The following NDUFAF6 variants were observed in gnomAD, a reference collection of about 807,000 sequenced individuals.
NDUFAF6 encodes the protein NADH dehydrogenase (ubiquinone) complex I, assembly factor 6.
NDUFAF6 carries 45 observed loss-of-function variants against 40.8 expected under a neutral mutation model. The observed-to-expected ratio is 1.10, with a 90% confidence interval of 0.87 to 1.42. The LOEUF is 1.42. Ranked by LOEUF, NDUFAF6 falls within the 40% of genes most tolerant of loss-of-function variation. The pLI, the probability that NDUFAF6 is intolerant of heterozygous loss-of-function variation, is 0.00. For missense variants in NDUFAF6, 435 were observed against 418.5 expected (o/e 1.04, Z -0.34); for synonymous variants, 185 against 155.9 (o/e 1.19, Z -1.39).
chr8:94,957,768 T>C (rs1156513203), upstream of NDUFAF6, among the ~76,000 whole-genome samples: 1 of 152,206 alleles, frequency 6.6e-6, no homozygotes, highest in Non-Finnish European at 1.5e-5. Context: ...GAAGGACATC[T>C]GAACCCCCGG....
chr8:95,115,473 G>A (rs901781025), intron 4 of NDUFAF6: 4 of 151,976 alleles, frequency 2.6e-5, no homozygotes, highest in Non-Finnish European at 4.4e-5. Context: ...ACAGGAGAAG[G>A]AAGAGTCTTG....
upstream of NDUFAF6, among the ~76,000 whole-genome samples, chr8:95,097,289 A>T (rs1482802848): frequency 6.6e-6 from 1 of 152,236 alleles, no homozygotes; most frequent in African/African-American, 2.4e-5. Context: ...ATAAACTAAG[A>T]CATCTCAATT....
chr8:95,000,458 C>A (rs1563780920), intron 2 of NDUFAF6, among the ~76,000 whole-genome samples: 1 of 152,066 alleles, frequency 6.6e-6, no homozygotes, highest in African/African-American at 2.4e-5. Flanking sequence ...TTGGCCTCTA[C>A]CCTCATAGAA....
At position 95,025,113 on chromosome 8, in the gene NDUFAF6, G is replaced by A. The variant is rs1179812620; in HGVS notation, c.105G>A (p.Arg35=). Residue 35 remains arginine, a synonymous_variant, in exon 1 of 9, where the codon CGG becomes CGA. Coordinates refer to ENST00000396124, the MANE Select transcript of NDUFAF6 (RefSeq NM_152416.4). The stretch of plus-strand genomic sequence containing the variant: ...TGGGTCTGTACGCGCGCATGCGGCG[G>A]CTGCCCGGGCCGGAGGTGTCTGGGC... The part of the protein sequence containing the change: ...PPLGLYARMR[R]LPGPEVSGRS... 1 of 1,479,364 alleles carries A rather than the reference G, an allele frequency of 6.8e-7. No individual in the cohort carries two copies. The highest frequency in any genetic ancestry group is 1.3e-5 in the South Asian group (1 of 77,302). The allele number at this position is 1,479,364 out of a possible 1,614,324, so 91.6% of individuals were successfully genotyped here.
Position 94,958,522 on chromosome 8 carries a change from C to CTTTTTT in NDUFAF6, c.-199+368_-199+373dup, listed in dbSNP as rs55703438. Among the ~76,000 whole-genome samples, 201 of 71,276 alleles carry CTTTTTT rather than the reference C, an allele frequency of 2.8e-3. 27 individuals are homozygous for CTTTTTT. Among genetic ancestry groups the CTTTTTT allele is most frequent in the African/African-American group, 5.5e-3 (94 of 16,946 alleles). The allele number at this position is 71,276 out of a possible 152,430, so 46.8% of individuals were successfully genotyped here. The stretch of plus-strand genomic sequence containing the variant: ...CCCTATCTCCACACATAGTCACATT[C>CTTTTTT]TTTTTTTTTTTTTTTTTTTTTTTTT... On this transcript the variant is annotated intron_variant, in intron 1 of 9. Coordinates refer to the NDUFAF6 transcript ENST00000396111.
chr8:95,022,148 A>T (rs1827716276), upstream of NDUFAF6, among the ~76,000 whole-genome samples: 1 of 152,212 alleles, frequency 6.6e-6, no homozygotes, highest in Non-Finnish European at 1.5e-5. Flanking sequence ...TAATGCTGTA[A>T]TTAAAAATGT....
chr8:95,082,080 A>C (rs1246360617), intron 2 of NDUFAF6, among the ~76,000 whole-genome samples: 32 of 151,870 alleles, frequency 2.1e-4, no homozygotes, highest in Non-Finnish European at 3.1e-4. Context: ...AAACAACAAA[A>C]AAAAAAAAAC....
intron 2 of NDUFAF6, among the ~76,000 whole-genome samples, chr8:95,012,076 T>C (rs914034278): frequency 3.9e-5 from 6 of 152,158 alleles, no homozygotes; most frequent in African/African-American, 1.4e-4. Flanking sequence ...AAAGTATGAG[T>C]TTCTGATTAA....
chr8:95,049,638 C>A (rs1563832179), intron 7 of NDUFAF6, among the ~76,000 whole-genome samples: 3 of 152,248 alleles, frequency 2.0e-5, no homozygotes, highest in African/African-American at 4.8e-5. Flanking sequence ...AGGGCTTTTG[C>A]ACTTGCTGTT....
chr8:94,939,266 A>AGAGTT (rs1328440795), intron 1 of NDUFAF6, among the ~76,000 whole-genome samples: 1 of 152,242 alleles, frequency 6.6e-6, no homozygotes, highest in East Asian at 1.9e-4. Flanking sequence ...CTATAAAGTC[A>AGAGTT]GAGTTATGTT....
At chr8:95,107,499 G>GGGA (rs1446744567), downstream of NDUFAF6, among the ~76,000 whole-genome samples, 2 of 152,140 alleles carry the variant, frequency 1.3e-5, no homozygotes, top group African/African-American at 4.8e-5. Context: ...GGACAGGGAA[G>GGGA]GGATAGCTTT....
intron 2 of NDUFAF6, among the ~76,000 whole-genome samples, chr8:94,952,933 C>T (rs538766962): frequency 4.6e-5 from 7 of 152,198 alleles, no homozygotes; most frequent in South Asian, 2.1e-4. Context: ...GGATAGCCTG[C>T]GCTGGATTGT....
Position 95,058,101 on chromosome 8 carries a change from C to A in NDUFAF6, c.*164C>A. 1 of 1,452,596 alleles carries A rather than the reference C, an allele frequency of 6.9e-7. No homozygotes were observed. Among genetic ancestry groups the A allele is most frequent in the Non-Finnish European group, 9.0e-7 (1 of 1,112,912 alleles). The allele number at this position is 1,452,596 out of a possible 1,614,324, so 90.0% of individuals were successfully genotyped here. Reference sequence around the variant, plus strand: ...AGAAGTTGCCGTGGGACTAGGGTGCCAAGACTGCTGAGATTCTGGCAGAGG... The same window carrying A: ...AGAAGTTGCCGTGGGACTAGGGTGCAAAGACTGCTGAGATTCTGGCAGAGG... On this transcript the variant is annotated 3_prime_UTR_variant, in exon 9 of 9. Coordinates refer to ENST00000396124, the MANE Select transcript of NDUFAF6 (RefSeq NM_152416.4).
At chr8:94,980,617 T>G (rs1055275322) in intron 1 of NDUFAF6, among the ~76,000 whole-genome samples, 28 of 136,360 alleles carry the variant, frequency 2.1e-4, no homozygotes, top group Non-Finnish European at 3.5e-4. Flanking sequence ...CTAATTTTTG[T>G]TTTTTTTTAG....
At chr8:94,930,518 C>G in intron 1 of NDUFAF6, 1 of 1,614,198 alleles carries the variant, frequency 6.2e-7, no homozygotes, top group Non-Finnish European at 8.5e-7. Context: ...GATGAACAAC[C>G]CAGCCATTGT....
At chr8:95,017,968 A>G (rs1484616024) in intron 2 of NDUFAF6, among the ~76,000 whole-genome samples, 1 of 152,274 alleles carries the variant, frequency 6.6e-6, no homozygotes, top group East Asian at 1.9e-4. Context: ...AACATGAAGA[A>G]TATGGAGAAT....
chr8:94,937,368 G>A (rs1200170470), intron 1 of NDUFAF6, among the ~76,000 whole-genome samples: 1 of 151,588 alleles, frequency 6.6e-6, no homozygotes, highest in Non-Finnish European at 1.5e-5. Flanking sequence ...TTGAACCCGG[G>A]AGGCAGAGGT....
intron 8 of NDUFAF6, 32 bp from the exon 9 acceptor site, chr8:95,057,777 T>C (rs1267060097): frequency 6.5e-7 from 1 of 1,528,610 alleles, no homozygotes; most frequent in Non-Finnish European, 9.0e-7. Flanking sequence ...GATCATTTTA[T>C]GATCTGGTGA....
At position 95,025,025 on chromosome 8, in the gene NDUFAF6, A is replaced by G. The variant is rs1827903633; in HGVS notation, c.17A>G (p.His6Arg). The G allele has an allele frequency of 5.2e-6, 7 of 1,353,380 alleles. No homozygotes were observed. The highest frequency in any genetic ancestry group is 5.7e-6 in the Non-Finnish European group (6 of 1,061,528). The allele number at this position is 1,353,380 out of a possible 1,614,324, so 83.8% of individuals were successfully genotyped here. A position where few individuals can be genotyped will look rare whatever the true frequency, so the allele number is the denominator to read the frequency against. MAASA[H>R]GSVWGPLRLG... ...GCCGGCGTCATGGCGGCCTCCGCGC[A>G]CGGCTCTGTCTGGGGGCCGTTGCGG... Residue 6 changes from histidine to arginine, a missense_variant, in exon 1 of 9, where the codon CAC becomes CGC. Physicochemically the swap from His to Arg is conservative, Grantham distance 29 (BLOSUM62 0). Transcript: ENST00000396124.
Sources: gnomAD v4.1 joint callset for allele counts (sites outside exome capture counted in the v4.1 genomes callset) on GRCh38, gnomAD v4.1.1 for gene constraint, MANE v1.5 for transcripts, NCBI Gene and HGNC (gene_info 2026-07-23, HGNC 2026-07-21) for gene names.